The following TEX101 variants were observed in gnomAD, a reference collection of about 807,000 sequenced individuals.
TEX101 encodes the protein testis-expressed protein 101.
In TEX101, 10 loss-of-function variants were observed where a neutral mutation model predicts 18.1. The ratio of observed to expected loss-of-function variants is 0.55; its 90% CI spans 0.34 to 0.94. TEX101 has a LOEUF of 0.94. Among genes scored for constraint, TEX101 ranks in the 40% least tolerant of loss-of-function variants. The pLI is 0.02. For synonymous variants in TEX101, 94 were observed against 114.8 expected, an observed-to-expected ratio of 0.82 and a Z score of 1.16; for missense variants, 259 against 298.9, an observed-to-expected ratio of 0.87 and a Z score of 0.98.
chr19:43,413,981 A>C (rs1568457984), upstream of TEX101, among the ~76,000 whole-genome samples: 1 of 151,846 alleles, frequency 6.6e-6, no homozygotes, highest in South Asian at 2.1e-4. Flanking sequence ...AAAATTAGCC[A>C]GGCATGGTAG....
At chr19:43,402,224 C>T (rs1970324130) in intron 1 of TEX101, among the ~76,000 whole-genome samples, 3 of 152,208 alleles carry the variant, frequency 2.0e-5, no homozygotes, top group African/African-American at 7.2e-5. Context: ...AACTACAAAA[C>T]ATGTTCATTT....
chr19:43,415,633 G>A (rs1437092508), intron 1 of TEX101, among the ~76,000 whole-genome samples: 1 of 152,002 alleles, frequency 6.6e-6, no homozygotes, highest in Middle Eastern at 3.4e-3. Context: ...TGTGGTGGCG[G>A]GCACCTGTAA....
At chr19:43,410,639 G>A (rs1473524075), upstream of TEX101, among the ~76,000 whole-genome samples, 1 of 151,682 alleles carries the variant, frequency 6.6e-6, no homozygotes, top group Non-Finnish European at 1.5e-5. Flanking sequence ...ATCATATGCT[G>A]AGTACACAGA....
intron 3 of TEX101, among the ~76,000 whole-genome samples, chr19:43,408,332 A>T (rs935551013): frequency 6.6e-6 from 1 of 152,080 alleles, no homozygotes; most frequent in African/African-American, 2.4e-5. Flanking sequence ...GGAGCGAACA[A>T]GGCACGTCGG....
At chr19:43,411,503 G>A (rs1395082987), upstream of TEX101, among the ~76,000 whole-genome samples, 1 of 152,344 alleles carries the variant, frequency 6.6e-6, no homozygotes, top group African/African-American at 2.4e-5. Context: ...ACCAATGGTG[G>A]TGTCACAAGT....
upstream of TEX101, among the ~76,000 whole-genome samples, chr19:43,396,849 T>G: frequency 6.9e-6 from 1 of 145,826 alleles, no homozygotes; most frequent in East Asian, 2.0e-4. Context: ...TTTTTTTTTT[T>G]TTTTTGAGAC....
Position 43,418,427 on chromosome 19 carries a change from C to A in TEX101, c.*30C>A. 6.3e-7 allele frequency: 1 copy of A among 1,577,414 alleles called. No individual in the cohort carries two copies. The highest frequency in any genetic ancestry group is 8.7e-7 in the Non-Finnish European group (1 of 1,155,660). On this transcript the variant is annotated 3_prime_UTR_variant, in exon 6 of 6. Transcript: ENST00000598265. ...GCACTTCTGGGCCTGGGTCTGAGGA[C>A]ATCTTTTTTGACTGGGAGCCTTCTT...
At chr19:43,409,210 A>G (rs1970397822) in intron 3 of TEX101, among the ~76,000 whole-genome samples, 1 of 152,190 alleles carries the variant, frequency 6.6e-6, no homozygotes, top group Non-Finnish European at 1.5e-5. Context: ...GAAACTAAGG[A>G]AGGCACTGAA....
chr19:43,405,150 T>C (rs1024523989), intron 2 of TEX101, among the ~76,000 whole-genome samples: 1 of 152,240 alleles, frequency 6.6e-6, no homozygotes. Context: ...TAAGTAAATC[T>C]AAGGTCATTT....
At chr19:43,390,460 C>CTTTTTTT in the TEX101 span, among the ~76,000 whole-genome samples, 98 of 49,862 alleles carry the variant, frequency 2.0e-3, 10 homozygotes, top group African/African-American at 2.4e-3. Flanking sequence ...CTTTTTTTTT[C>CTTTTTTT]TTTTTTTTTT....
chr19:43,405,742 T>C (rs2122324389), intron 2 of TEX101, among the ~76,000 whole-genome samples: 1 of 151,780 alleles, frequency 6.6e-6, no homozygotes, highest in South Asian at 2.1e-4. Flanking sequence ...CTGACCAACA[T>C]GGTGAAACCC....
chr19:43,394,189 T>G, the TEX101 span, among the ~76,000 whole-genome samples: 1 of 151,878 alleles, frequency 6.6e-6, no homozygotes, highest in Non-Finnish European at 1.5e-5. Flanking sequence ...CTTCTTTTTT[T>G]CTTGGTGCTA....
At chr19:43,413,162 G>A (rs750025795), upstream of TEX101, among the ~76,000 whole-genome samples, 2 of 152,132 alleles carry the variant, frequency 1.3e-5, no homozygotes, top group Non-Finnish European at 2.9e-5. Context: ...ACGCTTGCTC[G>A]ATTTATCACG....
At chr19:43,414,151 G>GA (rs1374442594), upstream of TEX101, among the ~76,000 whole-genome samples, 2 of 144,908 alleles carry the variant, frequency 1.4e-5, no homozygotes, top group Non-Finnish European at 3.0e-5. Context: ...GAGGGGAAGG[G>GA]AGGGGAGGGG....
chr19:43,408,351 C>A (rs1173934137), intron 3 of TEX101, among the ~76,000 whole-genome samples: 2 of 152,146 alleles, frequency 1.3e-5, no homozygotes, highest in Non-Finnish European at 2.9e-5. Flanking sequence ...GGAGGGTGGC[C>A]CGGTGGCCCC....
Position 43,416,517 on chromosome 19 carries a change from A to ACAGC in TEX101, c.355_358dup (p.Leu120GlnfsTer10). 1 of 1,614,116 alleles carries ACAGC rather than the reference A, an allele frequency of 6.2e-7. No homozygotes were observed. Among genetic ancestry groups the ACAGC allele is most frequent in the East Asian group, 2.2e-5 (1 of 44,880 alleles). The stretch of plus-strand genomic sequence containing the variant: ...GAGGATTCCTTCTGTAATGACAAAG[A>ACAGC]CAGCCTGTCTCAGTTTTGGGAGTTC... On this transcript the variant is annotated frameshift_variant, in exon 4 of 6. Coordinates refer to ENST00000598265, the MANE Select transcript of TEX101 (RefSeq NM_001130011.3). LOFTEE classifies it high-confidence loss of function.
intron 2 of TEX101, among the ~76,000 whole-genome samples, chr19:43,403,191 G>T (rs997370471): frequency 6.6e-6 from 1 of 152,122 alleles, no homozygotes; most frequent in Admixed American, 6.6e-5. Flanking sequence ...TCTGTGGACC[G>T]TATTGGATTC....
At chr19:43,411,578 T>C (rs1970419488), upstream of TEX101, among the ~76,000 whole-genome samples, 1 of 152,240 alleles carries the variant, frequency 6.6e-6, no homozygotes, top group Non-Finnish European at 1.5e-5. Context: ...TTACAAACGT[T>C]CCATGGATTC....
chr19:43,391,475 T>C, the TEX101 span, among the ~76,000 whole-genome samples: 1 of 150,478 alleles, frequency 6.6e-6, no homozygotes, highest in Non-Finnish European at 1.5e-5. Context: ...CTCACTGTAG[T>C]TGTGATTTTT....
Sources: gnomAD v4.1 joint callset for allele counts (sites outside exome capture counted in the v4.1 genomes callset) on GRCh38, gnomAD v4.1.1 for gene constraint, MANE v1.5 for transcripts, NCBI Gene and HGNC (gene_info 2026-07-23, HGNC 2026-07-21) for gene names.